COL25A1: variants seen among roughly 807,000 people sequenced by gnomAD.
COL25A1 encodes collagen alpha-1(XXV) chain.
In COL25A1, 103 loss-of-function variants were observed where a neutral mutation model predicts 128.4. The observed-to-expected ratio is 0.80, with a 90% confidence interval of 0.68 to 0.94. COL25A1 has a LOEUF of 0.94. Among genes scored for constraint, COL25A1 ranks in the 40% least tolerant of loss-of-function variants. The probability of loss-of-function intolerance (pLI) is 0.00; values close to 1 mark genes in which losing one functional copy is unlikely to be tolerated. For missense variants in COL25A1, 745 were observed against 840.0 expected, an observed-to-expected ratio of 0.89 and a Z score of 1.40; for synonymous variants, 279 against 277.2, an observed-to-expected ratio of 1.01 and a Z score of -0.06.
At chr4:109,186,318 C>CT (rs1266196059) in intron 3 of COL25A1, among the ~76,000 whole-genome samples, 3 of 152,268 alleles carry the variant, frequency 2.0e-5, no homozygotes, top group East Asian at 3.9e-4. Context: ...TCTTTCTCAT[C>CT]TTTTTTTGCA....
intron 6 of COL25A1, among the ~76,000 whole-genome samples, chr4:108,984,825 T>C (rs1753493369): frequency 6.6e-6 from 1 of 152,132 alleles, no homozygotes; most frequent in African/African-American, 2.4e-5. Flanking sequence ...GCTGAAGGGC[T>C]CCTCAAGTGC....
At chr4:109,044,871 A>G (rs543711088) in intron 5 of COL25A1, among the ~76,000 whole-genome samples, 12 of 152,306 alleles carry the variant, frequency 7.9e-5, no homozygotes, top group African/African-American at 2.9e-4. Context: ...AAATTACAGA[A>G]ACTGTCAGAT....
chr4:108,939,065 T>A (rs1344489918), intron 10 of COL25A1, among the ~76,000 whole-genome samples: 1 of 152,206 alleles, frequency 6.6e-6, no homozygotes. Flanking sequence ...TACTTTACCT[T>A]TAATTTTGTT....
intron 33 of COL25A1, among the ~76,000 whole-genome samples, chr4:108,826,606 C>T (rs1359608629): frequency 1.3e-5 from 2 of 152,160 alleles, no homozygotes; most frequent in African/African-American, 4.8e-5. Context: ...CTATGTTCTG[C>T]AGATCATTTG....
intron 5 of COL25A1, among the ~76,000 whole-genome samples, chr4:109,026,779 T>C (rs1245047842): frequency 1.3e-5 from 2 of 151,966 alleles, no homozygotes; most frequent in African/African-American, 2.4e-5. Flanking sequence ...GGACAGGACA[T>C]AGAGAAAAGA....
At chr4:108,862,388 A>T in intron 22 of COL25A1, 113 bp downstream of exon 22, 1 of 793,290 alleles carries the variant, frequency 1.3e-6, no homozygotes, top group East Asian at 2.4e-5. Context: ...TTGCAGTTCC[A>T]CTGTGTGAAA....
chr4:109,276,236 C>A (rs1722827633), intron 3 of COL25A1, among the ~76,000 whole-genome samples: 1 of 151,786 alleles, frequency 6.6e-6, no homozygotes, highest in Admixed American at 6.6e-5. Context: ...CATGGTGAAA[C>A]CTCATCTCTA....
In COL25A1 at chr4:108,959,906, C is replaced by T. The variant is rs112057840; in HGVS notation, c.492+14461G>A. On this transcript the variant is annotated intron_variant, in intron 8 of 37. Transcript: ENST00000399132. ...CAAATCCAAAAAGTCTAATAGATCT[C>T]CAGATATTCCCCTCTTCCTGAAACT... 1.7e-3 allele frequency among the ~76,000 whole-genome samples: 262 copies of T among 152,220 alleles called. 1 individual carries two copies. Among genetic ancestry groups the T allele is most frequent in the African/African-American group, 5.5e-3 (230 of 41,554 alleles).
At chr4:108,836,537 A>C (rs907006914) in intron 31 of COL25A1, among the ~76,000 whole-genome samples, 1 of 152,130 alleles carries the variant, frequency 6.6e-6, no homozygotes, top group African/African-American at 2.4e-5. Flanking sequence ...TCTCTATAAA[A>C]TATTTTTAAA....
chr4:108,920,676 C>G (rs1038315064), intron 11 of COL25A1, 72 bp from the exon 12 acceptor site: 2 of 1,078,460 alleles, frequency 1.9e-6, no homozygotes, highest in African/African-American at 3.2e-5. Context: ...TTTAAACTGT[C>G]CTATTCTCTA....
chr4:109,274,602 C>T (rs1560966442), intron 3 of COL25A1, among the ~76,000 whole-genome samples: 1 of 152,026 alleles, frequency 6.6e-6, no homozygotes, highest in Non-Finnish European at 1.5e-5. Context: ...AATTATCTTG[C>T]CAATTACTTT....
intron 3 of COL25A1, among the ~76,000 whole-genome samples, chr4:109,106,441 G>A (rs1425311212): frequency 6.6e-6 from 1 of 151,966 alleles, no homozygotes; most frequent in Non-Finnish European, 1.5e-5. Context: ...AAAAACCTAG[G>A]ACATTCTGAT....
chr4:109,292,439 A>C (rs925239410), intron 3 of COL25A1, among the ~76,000 whole-genome samples: 9 of 152,210 alleles, frequency 5.9e-5, no homozygotes, highest in African/African-American at 1.9e-4. Flanking sequence ...CCATATTAAA[A>C]GCCTCAACCC....
At chr4:109,039,782 T>C (rs1759700389) in intron 5 of COL25A1, among the ~76,000 whole-genome samples, 1 of 152,216 alleles carries the variant, frequency 6.6e-6, no homozygotes, top group Non-Finnish European at 1.5e-5. Flanking sequence ...TGTGTGAATA[T>C]GCATTATCTT....
intron 3 of COL25A1, among the ~76,000 whole-genome samples, chr4:109,166,918 T>C (rs1173671546): frequency 6.6e-6 from 1 of 152,180 alleles, no homozygotes; most frequent in Non-Finnish European, 1.5e-5. Context: ...TCATCCTAGT[T>C]AGTGACTGGA....
At chr4:109,219,187 C>A (rs1778252299) in intron 3 of COL25A1, among the ~76,000 whole-genome samples, 1 of 152,094 alleles carries the variant, frequency 6.6e-6, no homozygotes, top group South Asian at 2.1e-4. Flanking sequence ...TACCAAATCA[C>A]AATAAAATAA....
intron 20 of COL25A1, among the ~76,000 whole-genome samples, chr4:108,868,548 A>AAAGAAAGAACG (rs1553955583): frequency 7.1e-6 from 1 of 140,072 alleles, no homozygotes; most frequent in Non-Finnish European, 1.5e-5. Flanking sequence ...AGAAAAGAAA[A>AAAGAAAGAACG]AAGAAAGAAA....
At chr4:109,217,727 T>G (rs1330006626) in intron 3 of COL25A1, among the ~76,000 whole-genome samples, 1 of 152,156 alleles carries the variant, frequency 6.6e-6, no homozygotes, top group African/African-American at 2.4e-5. Flanking sequence ...TGGTGTAGTA[T>G]TTTGCATATA....
At chr4:108,851,572 T>C (rs1735780236) in intron 26 of COL25A1, among the ~76,000 whole-genome samples, 3 of 152,164 alleles carry the variant, frequency 2.0e-5, no homozygotes, top group Admixed American at 1.3e-4. Context: ...AGCTCAGTTC[T>C]GAAAAGCCAG....
Sources: gnomAD v4.1 joint callset for allele counts (sites outside exome capture counted in the v4.1 genomes callset) on GRCh38, gnomAD v4.1.1 for gene constraint, MANE v1.5 for transcripts, NCBI Gene and HGNC (gene_info 2026-07-23, HGNC 2026-07-21) for gene names.